The following SLC26A5 variants were observed in gnomAD, a reference collection of about 807,000 sequenced individuals.
SLC26A5 encodes the protein solute carrier family 26 member 5.
SLC26A5 carries 51 observed loss-of-function variants against 81.0 expected under a neutral mutation model. That is an observed-to-expected ratio of 0.63 (90% confidence interval 0.50 to 0.80). SLC26A5 has a LOEUF of 0.80. Among genes scored for constraint, SLC26A5 ranks in the 30% least tolerant of loss-of-function variants. SLC26A5 has a pLI of 0.00. For missense variants in SLC26A5, 771 were observed against 905.8 expected, an observed-to-expected ratio of 0.85 and a Z score of 1.91; for synonymous variants, 325 against 332.8, an observed-to-expected ratio of 0.98 and a Z score of 0.25.
chr7:103,419,938 C>T (rs1229986868), intron 4 of SLC26A5, among the ~76,000 whole-genome samples: 1 of 152,100 alleles, frequency 6.6e-6, no homozygotes, highest in Admixed American at 6.6e-5. Context: ...GCTTAGCAAT[C>T]TCATGCCTTG....
chr7:103,389,932 C>G (rs979561872), intron 12 of SLC26A5, among the ~76,000 whole-genome samples: 1 of 152,126 alleles, frequency 6.6e-6, no homozygotes, highest in Non-Finnish European at 1.5e-5. Flanking sequence ...GGCTGGAAAT[C>G]ATTCTTATAT....
In SLC26A5 at chr7:103,411,431, C is replaced by A; in HGVS notation, c.559G>T (p.Gly187Ter). The A allele has an allele frequency of 6.2e-7, 1 of 1,614,136 alleles. No individual in the cohort carries two copies. Among genetic ancestry groups the A allele is most frequent in the Non-Finnish European group, 8.5e-7 (1 of 1,179,998 alleles). The change falls in exon 6 of 20, where the codon GGA becomes TGA. Residue 187 changes from glycine to a stop codon, truncating the protein, a stop_gained. Transcript: ENST00000306312. LOFTEE classifies it high-confidence loss of function. ...KVAMSVTLLS[G>*]IIQFCLGVCR... ...TCTTTGAGCCTTACCTGAATGATTC[C>A]TGAAAGTAAGGTCACAGACATGGCG...
In SLC26A5 at chr7:103,390,724, T is replaced by C. The variant is rs79723233; in HGVS notation, c.1234-218A>G. 0.066 allele frequency among the ~76,000 whole-genome samples: 10,069 copies of C among 152,184 alleles called. 1,109 individuals carry two copies. The highest frequency in any genetic ancestry group is 0.23 in the African/African-American group (9,529 of 41,458). On this transcript the variant is annotated intron_variant, in intron 11 of 19. Coordinates refer to ENST00000306312, the MANE Select transcript of SLC26A5 (RefSeq NM_198999.3). Reference sequence around the variant, plus strand: ...CTTTTAAATGGAAGCTGAAATGTTGTAATATCCTAATTAAAATGCCCTTTC... The same window carrying C: ...CTTTTAAATGGAAGCTGAAATGTTGCAATATCCTAATTAAAATGCCCTTTC...
intron 9 of SLC26A5, among the ~76,000 whole-genome samples, chr7:103,393,996 A>G (rs2116501709): frequency 6.6e-6 from 1 of 152,360 alleles, no homozygotes; most frequent in South Asian, 2.1e-4. Context: ...ACTAGGCACC[A>G]CTGTAATTCC....
At chr7:103,394,801 TG>T (rs1243047382) in intron 9 of SLC26A5, among the ~76,000 whole-genome samples, 4 of 152,218 alleles carry the variant, frequency 2.6e-5, no homozygotes, top group Non-Finnish European at 5.9e-5. Flanking sequence ...CAGCTATATT[TG>T]GGCTGGCCTC....
downstream of SLC26A5, among the ~76,000 whole-genome samples, chr7:103,371,352 T>C (rs985908329): frequency 1.3e-5 from 2 of 148,524 alleles, no homozygotes; most frequent in East Asian, 2.0e-4. Flanking sequence ...TGAGACGGAG[T>C]CTCGCTCTGT....
chr7:103,394,103 C>G (rs901274229), intron 9 of SLC26A5, among the ~76,000 whole-genome samples: 2 of 152,194 alleles, frequency 1.3e-5, no homozygotes, highest in African/African-American at 4.8e-5. Flanking sequence ...CATAAAGAAC[C>G]TGCTTGGCCA....
chr7:103,375,096 A>G (rs1313553725), intron 19 of SLC26A5, among the ~76,000 whole-genome samples: 1 of 145,434 alleles, frequency 6.9e-6, no homozygotes, highest in African/African-American at 2.5e-5. Flanking sequence ...ACACACATAT[A>G]TATACATATA....
intron 2 of SLC26A5, among the ~76,000 whole-genome samples, chr7:103,437,037 C>G (rs910368379): frequency 2.0e-5 from 3 of 152,162 alleles, no homozygotes; most frequent in African/African-American, 7.2e-5. Context: ...AACCACACAT[C>G]TGACAAGTGC....
rs780295964 is a variant in SLC26A5, at chr7:103,364,354, C to T, written c.2042-11428G>A. 6.3e-6 allele frequency: 10 copies of T among 1,598,228 alleles called. No homozygotes were observed. In the African/African-American group the frequency reaches 1.1e-4, roughly 17 times the overall value. On this transcript the variant is annotated intron_variant, in intron 19 of 19. Transcript: ENST00000339444. Reference sequence around the variant, plus strand: ...ATATATAGCCTTGTGAAAGATTTTACAGTATGAATGAAATTAAAAATGGCA... The same window carrying T: ...ATATATAGCCTTGTGAAAGATTTTATAGTATGAATGAAATTAAAAATGGCA...
chr7:103,388,026 G>GT (rs1434009181), intron 14 of SLC26A5, among the ~76,000 whole-genome samples: 1 of 151,814 alleles, frequency 6.6e-6, no homozygotes, highest in Non-Finnish European at 1.5e-5. Flanking sequence ...CATCTTTATG[G>GT]TGATTTATCA....
Position 103,367,877 on chromosome 7 carries a change from A to ATTTTC in SLC26A5, c.2041+8926_2041+8930dup. On this transcript the variant is annotated intron_variant, in intron 19 of 19. Coordinates refer to the SLC26A5 transcript ENST00000339444. The surrounding 1 kb of genome is among the most constrained non-coding windows in gnomAD (Gnocchi z 6.1). ...CAGGCTGCTTTAATTAAGCCCGTTT[A>ATTTTC]TTTTCTTTTTGTTTGAAAGGTGCTG... 6.2e-7 allele frequency: 1 copy of ATTTTC among 1,611,414 alleles called. No individual in the cohort carries two copies. The highest frequency in any genetic ancestry group is 1.3e-5 in the African/African-American group (1 of 74,696).
chr7:103,414,547 T>C (rs1824763465), intron 4 of SLC26A5, among the ~76,000 whole-genome samples: 1 of 152,186 alleles, frequency 6.6e-6, no homozygotes, highest in South Asian at 2.1e-4. Context: ...CTGACTTCTT[T>C]CACTAAGTAA....
chr7:103,430,184 T>C (rs544407700), intron 2 of SLC26A5, among the ~76,000 whole-genome samples: 1 of 152,010 alleles, frequency 6.6e-6, no homozygotes, highest in African/African-American at 2.4e-5. Context: ...GTTCAAGCGA[T>C]TCTCCTGCCT....
chr7:103,437,779 G>C (rs1432282512), intron 2 of SLC26A5, among the ~76,000 whole-genome samples: 1 of 152,150 alleles, frequency 6.6e-6, no homozygotes, highest in Non-Finnish European at 1.5e-5. Flanking sequence ...CTAGGTCATG[G>C]GTGGGAGGGA....
rs1821694578 is a variant in SLC26A5 at position 103,380,563 on chromosome 7, G to A, written c.1515-14C>T. ...TTGTAGCTTGGACTGAAGATAAAGAGTGTTAAATACCATTGTGTTGAGGCA... is the reference window on the plus strand; with the variant it reads ...TTGTAGCTTGGACTGAAGATAAAGAATGTTAAATACCATTGTGTTGAGGCA... On this transcript the variant is annotated splice_polypyrimidine_tract_variant and intron_variant, in intron 14 of 19. Transcript: ENST00000306312. The A allele has an allele frequency of 1.2e-6, 2 of 1,610,088 alleles. No individual in the cohort carries two copies. Among genetic ancestry groups the A allele is most frequent in the Admixed American group, 1.7e-5 (1 of 59,966 alleles).
intron 4 of SLC26A5, among the ~76,000 whole-genome samples, chr7:103,416,851 T>C (rs1172105588): frequency 6.6e-6 from 1 of 152,206 alleles, no homozygotes; most frequent in Non-Finnish European, 1.5e-5. Context: ...ACTTTCACTC[T>C]GACATGCTTA....
At chr7:103,362,002 T>A in intron 19 of SLC26A5, 1 of 1,613,870 alleles carries the variant, frequency 6.2e-7, no homozygotes, top group South Asian at 1.1e-5. Flanking sequence ...CAAAATACAT[T>A]ATCAACGTAA....
At chr7:103,396,934 A>C (rs1235793221) in intron 9 of SLC26A5, among the ~76,000 whole-genome samples, 1 of 150,780 alleles carries the variant, frequency 6.6e-6, no homozygotes, top group Non-Finnish European at 1.5e-5. Context: ...GTCTCTACTA[A>C]AAATATAAAA....
Sources: gnomAD v4.1 joint callset for allele counts (sites outside exome capture counted in the v4.1 genomes callset) on GRCh38, gnomAD v4.1.1 for gene constraint, Gnocchi (gnomAD v3.1) non-coding constraint, MANE v1.5 for transcripts, NCBI Gene and HGNC (gene_info 2026-07-23, HGNC 2026-07-21) for gene names.